Variants in TRIM24 observed in about 807,000 individuals in gnomAD.
TRIM24 encodes tripartite motif containing 24.
TRIM24 carries 29 observed loss-of-function variants against 123.9 expected under a neutral mutation model. That is an observed-to-expected ratio of 0.23 (90% CI 0.17 to 0.32). The LOEUF is 0.32. Among genes scored for constraint, TRIM24 ranks in the 10% least tolerant of loss-of-function variants. The probability of loss-of-function intolerance (pLI) is 1.00; values close to 1 mark genes in which losing one functional copy is unlikely to be tolerated. For missense variants in TRIM24, 932 were observed against 1,295.3 expected, an observed-to-expected ratio of 0.72 and a Z score of 4.31; for synonymous variants, 456 against 461.1, an observed-to-expected ratio of 0.99 and a Z score of 0.14.
In TRIM24 at chr7:138,507,359, A is replaced by ATT. The variant is rs11301228; in HGVS notation, c.483+2968_483+2969dup. 2.5e-4 allele frequency among the ~76,000 whole-genome samples: 33 copies of ATT among 132,386 alleles called. 1 individual carries two copies. Among genetic ancestry groups the ATT allele is most frequent in the African/African-American group, 7.7e-4 (28 of 36,264 alleles). The allele number at this position is 132,386 out of a possible 152,430, so 86.9% of individuals were successfully genotyped here. ...CAGCCATTATATGATTTCATCTGTAATTTTTTTTTTTTTTTTTTGAGATGG... is the reference window on the plus strand; with the variant it reads ...CAGCCATTATATGATTTCATCTGTAATTTTTTTTTTTTTTTTTTTTGAGATGG... On this transcript the variant is annotated intron_variant, in intron 2 of 18. Transcript: ENST00000343526.
At position 138,588,228 on chromosome 7, in the gene TRIM24, A is replaced by G. The variant is rs1018333337; in HGVS notation, c.*3277A>G. ...AGACACTTCCTTACGTTTGAGTTCCAAGGAGAGAGAGTGAGAAGAGGAACT... is the reference window on the plus strand; with the variant it reads ...AGACACTTCCTTACGTTTGAGTTCCGAGGAGAGAGAGTGAGAAGAGGAACT... On this transcript the variant is annotated 3_prime_UTR_variant, in exon 19 of 19. Coordinates refer to ENST00000343526, the MANE Select transcript of TRIM24 (RefSeq NM_015905.3). The G allele has an allele frequency of 2.6e-5, 4 of 152,236 alleles. No homozygotes were observed. The highest frequency in any genetic ancestry group is 9.6e-5 in the African/African-American group (4 of 41,458). 9.4% of individuals were successfully genotyped at this position (152,236 alleles called of 1,614,324 possible).
At chr7:138,553,881 A>G (rs1797261962) in intron 8 of TRIM24, among the ~76,000 whole-genome samples, 1 of 152,156 alleles carries the variant, frequency 6.6e-6, no homozygotes, top group Admixed American at 6.5e-5. Flanking sequence ...AGGCCCAAGA[A>G]GAGACCTGGA....
chr7:138,509,493 G>A (rs1240630791), intron 2 of TRIM24, among the ~76,000 whole-genome samples: 5 of 150,644 alleles, frequency 3.3e-5, no homozygotes, highest in Non-Finnish European at 7.4e-5. Flanking sequence ...CACAAGATTA[G>A]GAGTTTGAGA....
chr7:138,490,659 C>T (rs1795761276), intron 1 of TRIM24: 1 of 368,136 alleles, frequency 2.7e-6, no homozygotes, highest in African/African-American at 2.2e-5. Context: ...TTTTCCAGCA[C>T]TGCTACCTTC....
intron 1 of TRIM24, among the ~76,000 whole-genome samples, chr7:138,503,291 A>G (rs968873299): frequency 6.6e-6 from 1 of 152,130 alleles, no homozygotes; most frequent in East Asian, 1.9e-4. Flanking sequence ...ATCTATAGAT[A>G]TGTTTGTGGG....
At chr7:138,506,265 G>C (rs1411745948) in intron 2 of TRIM24, among the ~76,000 whole-genome samples, 1 of 152,208 alleles carries the variant, frequency 6.6e-6, no homozygotes, top group African/African-American at 2.4e-5. Context: ...CTTTCTAATT[G>C]TTTAATTGTG....
chr7:138,531,208 T>C (rs1037708329), intron 6 of TRIM24, among the ~76,000 whole-genome samples: 6 of 147,652 alleles, frequency 4.1e-5, no homozygotes, highest in African/African-American at 1.1e-4. Flanking sequence ...TATACATGTA[T>C]ACGTGTATGT....
chr7:138,476,461 C>T (rs1398821647), intron 1 of TRIM24, among the ~76,000 whole-genome samples: 1 of 151,964 alleles, frequency 6.6e-6, no homozygotes, highest in Non-Finnish European at 1.5e-5. Context: ...GGCATGGTGG[C>T]GTGCGCCTGT....
chr7:138,480,997 A>G (rs1209201073), intron 1 of TRIM24, among the ~76,000 whole-genome samples: 1 of 151,104 alleles, frequency 6.6e-6, no homozygotes, highest in Non-Finnish European at 1.5e-5. Context: ...AGTTATTATT[A>G]TTATTATTTT....
chr7:138,525,316 A>G lies in TRIM24; in HGVS notation c.840A>G (p.Lys280=). The change falls in exon 5 of 19, where the codon AAA becomes AAG. Residue 280 remains lysine (K), a synonymous_variant. Transcript: ENST00000343526. ...IDTLITKLME[K]TKYIKFTGNQ... ...CACTAATCACCAAACTGATGGAAAA[A>G]ACAAAATACATAAAATTCACAGGAA... is the stretch of plus-strand genomic sequence containing the variant. 6.6e-7 allele frequency: 1 copy of G among 1,525,146 alleles called. No homozygotes were observed. The highest frequency in any genetic ancestry group is 8.8e-7 in the Non-Finnish European group (1 of 1,140,318). 94.5% of individuals were successfully genotyped at this position (1,525,146 alleles called of 1,614,324 possible).
At chr7:138,582,818 C>T (rs10239129) in intron 17 of TRIM24, among the ~76,000 whole-genome samples, 2,715 of 152,272 alleles carry the variant, frequency 0.018, 71 homozygotes, top group African/African-American at 0.061. Context: ...GTCAGCTTCT[C>T]TCTTAAGAAC....
Position 138,490,939 on chromosome 7 carries a change from T to A in TRIM24, c.365-13351T>A, listed in dbSNP as rs1268919106. ...TTCCGTATCTGATTGTTGGTTTTTT[T>A]AGTAAAACCAATACAGAACAAATGA... On this transcript the variant is annotated intron_variant, in intron 1 of 18. Transcript: ENST00000343526. 3 of 362,984 alleles carry A rather than the reference T, an allele frequency of 8.3e-6. No individual in the cohort carries two copies. In the East Asian group the frequency reaches 2.3e-4, roughly 28 times the overall value. 22.5% of individuals were successfully genotyped at this position (362,984 alleles called of 1,614,324 possible). A position where few individuals can be genotyped will look rare whatever the true frequency, so the allele number is the denominator to read the frequency against.
chr7:138,522,736 A>C (rs1796529385), intron 4 of TRIM24, among the ~76,000 whole-genome samples: 1 of 152,176 alleles, frequency 6.6e-6, no homozygotes, highest in South Asian at 2.1e-4. Flanking sequence ...TTGAAGGGCT[A>C]TGAGGAGGCA....
rs1454664191 is a variant in TRIM24 at position 138,460,800 on chromosome 7, G to A, written c.252G>A (p.Ala84=). The change falls in exon 1 of 19, where the codon GCG becomes GCA. Residue 84 remains alanine, a synonymous_variant. Coordinates refer to ENST00000343526, the MANE Select transcript of TRIM24 (RefSeq NM_015905.3). ...CTTTCTGCCAGCGCTGCCTGCCCGC[G>A]CCCCAGCGCTACCTCATGCTGCCCG... ...LHSFCQRCLP[A]PQRYLMLPAP... is the part of the protein sequence containing the mutation. The A allele has an allele frequency of 6.3e-6, 10 of 1,581,974 alleles. No homozygotes were observed. Among genetic ancestry groups the A allele is most frequent in the South Asian group, 1.1e-5 (1 of 88,078 alleles).
At chr7:138,517,251 A>G (rs1796419298) in intron 3 of TRIM24, among the ~76,000 whole-genome samples, 1 of 152,008 alleles carries the variant, frequency 6.6e-6, no homozygotes, top group South Asian at 2.1e-4. Flanking sequence ...ATATGTTTAT[A>G]TATTTGTATC....
chr7:138,484,017 TG>T (rs1563027524), intron 1 of TRIM24, among the ~76,000 whole-genome samples: 1 of 152,158 alleles, frequency 6.6e-6, no homozygotes, highest in African/African-American at 2.4e-5. Flanking sequence ...TACATAATAT[TG>T]AACCTCAATT....
chr7:138,555,221 G>A (rs1214594911), intron 9 of TRIM24, among the ~76,000 whole-genome samples: 1 of 152,136 alleles, frequency 6.6e-6, no homozygotes, highest in South Asian at 2.1e-4. Flanking sequence ...ATAAATGTTT[G>A]TATTCCTAAA....
At chr7:138,515,748 T>C (rs555964382) in intron 3 of TRIM24, among the ~76,000 whole-genome samples, 1 of 152,358 alleles carries the variant, frequency 6.6e-6, no homozygotes, top group African/African-American at 2.4e-5. Flanking sequence ...TTGTCTGATA[T>C]GTGGATAGCC....
chr7:138,534,435 A>G (rs1005772658), intron 6 of TRIM24, among the ~76,000 whole-genome samples: 1 of 152,226 alleles, frequency 6.6e-6, no homozygotes, highest in Non-Finnish European at 1.5e-5. Context: ...ATTGGTTGCA[A>G]AGAACATCTT....
Sources: gnomAD v4.1 joint callset for allele counts (sites outside exome capture counted in the v4.1 genomes callset) on GRCh38, gnomAD v4.1.1 for gene constraint, MANE v1.5 for transcripts, NCBI Gene and HGNC (gene_info 2026-07-23, HGNC 2026-07-21) for gene names.